The following RBPJ variants were observed in gnomAD, a reference collection of about 807,000 sequenced individuals.
RBPJ encodes recombining binding protein suppressor of hairless.
RBPJ carries 9 observed loss-of-function variants against 67.8 expected under a neutral mutation model. The ratio of observed to expected loss-of-function variants is 0.13; its 90% CI spans 0.08 to 0.23. The LOEUF (loss-of-function observed/expected upper bound fraction) is 0.23, where lower values mean the gene tolerates loss of function less well. Ranked by LOEUF, RBPJ falls within the 10% of genes least tolerant of loss-of-function variation. The pLI is 1.00. For missense variants in RBPJ, 305 were observed against 595.6 expected (o/e 0.51, Z 5.08); for synonymous variants, 198 against 203.3 (o/e 0.97, Z 0.22).
intron 1 of RBPJ, among the ~76,000 whole-genome samples, chr4:26,289,165 G>A (rs1253073570): frequency 6.7e-6 from 1 of 150,338 alleles, no homozygotes; most frequent in African/African-American, 2.5e-5. Flanking sequence ...GGGAGGCCGA[G>A]GTGGACAGAT....
the RBPJ span, among the ~76,000 whole-genome samples, chr4:26,120,170 G>A: frequency 1.3e-5 from 2 of 152,184 alleles, no homozygotes; most frequent in Non-Finnish European, 2.9e-5. Flanking sequence ...AGTAGTAGTA[G>A]ACATAGACTC....
the RBPJ span, among the ~76,000 whole-genome samples, chr4:26,126,508 C>A: frequency 6.6e-6 from 1 of 152,222 alleles, no homozygotes; most frequent in East Asian, 1.9e-4. Flanking sequence ...CAGATGCTTT[C>A]CTGGGACGTG....
intron 4 of RBPJ, 50 bp downstream of exon 4, chr4:26,415,690 T>G: frequency 6.7e-7 from 1 of 1,498,918 alleles, no homozygotes; most frequent in East Asian, 2.3e-5. Context: ...GGTACCAGAA[T>G]GTAGTTTTCA....
chr4:26,231,842 C>T (rs1444033166), intron 1 of RBPJ, among the ~76,000 whole-genome samples: 1 of 151,632 alleles, frequency 6.6e-6, no homozygotes, highest in Non-Finnish European at 1.5e-5. Context: ...AGCCACTGCG[C>T]CTGACCTTAT....
At chr4:26,111,445 C>G in the RBPJ span, among the ~76,000 whole-genome samples, 1 of 152,270 alleles carries the variant, frequency 6.6e-6, no homozygotes, top group South Asian at 2.1e-4. Context: ...TCTCTTTCTT[C>G]TCTTCTTCTA....
At chr4:26,244,263 G>A (rs1719777259) in intron 1 of RBPJ, among the ~76,000 whole-genome samples, 1 of 144,006 alleles carries the variant, frequency 6.9e-6, no homozygotes, top group Non-Finnish European at 1.5e-5. Context: ...ATACACATAT[G>A]TGTACACATA....
At chr4:26,167,997 G>A (rs1434019701) in intron 1 of RBPJ, among the ~76,000 whole-genome samples, 116 of 151,954 alleles carry the variant, frequency 7.6e-4, no homozygotes, top group African/African-American at 2.7e-3. Flanking sequence ...CCTGAATACA[G>A]CACACTGATG....
chr4:26,228,148 T>A (rs1719144882), intron 1 of RBPJ, among the ~76,000 whole-genome samples: 1 of 152,248 alleles, frequency 6.6e-6, no homozygotes, highest in South Asian at 2.1e-4. Context: ...GGTACTCTCA[T>A]GAAAGCGAAT....
At chr4:26,267,369 T>G (rs1720737012) in intron 1 of RBPJ, among the ~76,000 whole-genome samples, 1 of 152,050 alleles carries the variant, frequency 6.6e-6, no homozygotes, top group Non-Finnish European at 1.5e-5. Context: ...TGCCCAAGGA[T>G]CATTCCTGGG....
chr4:26,152,541 T>C, the RBPJ span, among the ~76,000 whole-genome samples: 1 of 152,266 alleles, frequency 6.6e-6, no homozygotes, highest in Non-Finnish European at 1.5e-5. Flanking sequence ...ACTATGTGCA[T>C]AAACCATGCT....
intron 1 of RBPJ, among the ~76,000 whole-genome samples, chr4:26,308,984 C>G (rs1389216878): frequency 6.6e-6 from 1 of 151,738 alleles, no homozygotes; most frequent in Non-Finnish European, 1.5e-5. Context: ...AATTAAATAC[C>G]ATTATTTTAT....
At chr4:26,318,682 C>G (rs1722748114), upstream of RBPJ, among the ~76,000 whole-genome samples, 1 of 152,092 alleles carries the variant, frequency 6.6e-6, no homozygotes, top group Non-Finnish European at 1.5e-5. Context: ...GCTCACAGGG[C>G]CAGCGGGTAG....
intron 1 of RBPJ, among the ~76,000 whole-genome samples, chr4:26,340,598 G>A (rs577435530): frequency 3.9e-4 from 59 of 152,238 alleles, no homozygotes; most frequent in Admixed American, 1.3e-3. Flanking sequence ...GGTAGCTCAT[G>A]CCTGTAATCC....
At chr4:26,178,468 T>C (rs1354418146) in intron 1 of RBPJ, among the ~76,000 whole-genome samples, 3 of 151,484 alleles carry the variant, frequency 2.0e-5, no homozygotes, top group African/African-American at 7.3e-5. Flanking sequence ...ATTAGCCAGG[T>C]GTGATGGTGC....
chr4:26,299,249 T>G (rs1721987981), intron 1 of RBPJ, among the ~76,000 whole-genome samples: 1 of 152,226 alleles, frequency 6.6e-6, no homozygotes, highest in African/African-American at 2.4e-5. Context: ...CTCAGTTAAT[T>G]TTAATGGTTT....
chr4:26,181,884 G>T (rs1476145993), intron 1 of RBPJ, among the ~76,000 whole-genome samples: 1 of 152,220 alleles, frequency 6.6e-6, no homozygotes, highest in Non-Finnish European at 1.5e-5. Context: ...TGAGTGAGTG[G>T]TGAGTGAATG....
At chr4:26,347,485 C>T (rs1377731910) in intron 1 of RBPJ, among the ~76,000 whole-genome samples, 2 of 152,198 alleles carry the variant, frequency 1.3e-5, no homozygotes, top group South Asian at 2.1e-4. Flanking sequence ...GAAGGAGGTA[C>T]ACTGGTCAGT....
At chr4:26,370,907 C>T (rs780356803) in intron 1 of RBPJ, among the ~76,000 whole-genome samples, 5 of 151,872 alleles carry the variant, frequency 3.3e-5, no homozygotes, top group African/African-American at 7.3e-5. Context: ...AGTTAAACCC[C>T]GTCTCCACTA....
At chr4:26,309,159 G>A (rs989604720) in intron 1 of RBPJ, among the ~76,000 whole-genome samples, 12 of 151,674 alleles carry the variant, frequency 7.9e-5, no homozygotes, top group Admixed American at 7.9e-4. Flanking sequence ...TGGGACTACA[G>A]GCACATGCCA....
Sources: gnomAD v4.1 joint callset for allele counts (sites outside exome capture counted in the v4.1 genomes callset) on GRCh38, gnomAD v4.1.1 for gene constraint, MANE v1.5 for transcripts, NCBI Gene and HGNC (gene_info 2026-07-23, HGNC 2026-07-21) for gene names.